DDX50: variants seen among roughly 807,000 people sequenced by gnomAD.
The protein encoded by DDX50 is DExD-box helicase 50, also known as ATP-dependent RNA helicase DDX50.
In DDX50, 56 loss-of-function variants were observed where a neutral mutation model predicts 94.8. That is an observed-to-expected ratio of 0.59 (90% CI 0.48 to 0.74). DDX50 has a LOEUF of 0.74. Among genes scored for constraint, DDX50 ranks in the 30% least tolerant of loss-of-function variants. The pLI is 0.00. For missense variants in DDX50, 713 were observed against 881.2 expected, an observed-to-expected ratio of 0.81 and a Z score of 2.42; for synonymous variants, 264 against 295.4, an observed-to-expected ratio of 0.89 and a Z score of 1.09.
At chr10:68,905,454 G>C (rs1841420044) in intron 1 of DDX50, among the ~76,000 whole-genome samples, 1 of 152,062 alleles carries the variant, frequency 6.6e-6, no homozygotes, top group African/African-American at 2.4e-5. Context: ...TTTAGCCTGT[G>C]AATTGTCAAA....
intron 3 of DDX50, among the ~76,000 whole-genome samples, chr10:68,910,844 C>T (rs1448423570): frequency 6.6e-6 from 1 of 152,180 alleles, no homozygotes; most frequent in African/African-American, 2.4e-5. Context: ...TTTACATCAT[C>T]CTTTTCAATA....
At chr10:68,909,411 A>G (rs1218144915) in intron 2 of DDX50, among the ~76,000 whole-genome samples, 1 of 152,218 alleles carries the variant, frequency 6.6e-6, no homozygotes, top group Non-Finnish European at 1.5e-5. Flanking sequence ...GCTTACGGTA[A>G]CTTTCTCTTG....
chr10:68,905,617 A>G (rs1841423746), intron 1 of DDX50, among the ~76,000 whole-genome samples: 2 of 152,174 alleles, frequency 1.3e-5, no homozygotes, highest in African/African-American at 4.8e-5. Flanking sequence ...CTTGTCTATA[A>G]AATGGCAAAG....
chr10:68,901,476 G>T lies in DDX50; in HGVS notation c.87+5G>T. 6.4e-7 allele frequency: 1 copy of T among 1,562,700 alleles called. No individual in the cohort carries two copies. ...CAGAAGAAGGAGAGGCAAAAGGTGC[G>T]CTGAGCATGGGCCGCGCCTCCTTTT... On this transcript the variant is annotated splice_donor_5th_base_variant and intron_variant, in intron 1 of 14. Transcript: ENST00000373585.
intron 14 of DDX50, among the ~76,000 whole-genome samples, chr10:68,944,347 T>C (rs1842616910): frequency 6.6e-6 from 1 of 152,170 alleles, no homozygotes; most frequent in African/African-American, 2.4e-5. Flanking sequence ...AGTATCTTTA[T>C]CTGTTGAAGA....
intron 8 of DDX50, among the ~76,000 whole-genome samples, chr10:68,930,140 G>A (rs1381037036): frequency 1.5e-5 from 1 of 65,034 alleles, no homozygotes; most frequent in Non-Finnish European, 2.8e-5. Context: ...TTTTTTTGAT[G>A]GAGTTTCGCT....
chr10:68,933,200 C>T (rs947381813), intron 8 of DDX50, among the ~76,000 whole-genome samples: 2 of 152,058 alleles, frequency 1.3e-5, no homozygotes, highest in African/African-American at 4.8e-5. Flanking sequence ...TCCCAAGTAG[C>T]TGGAATTACA....
At chr10:68,907,544 G>A (rs1309019735) in intron 2 of DDX50, among the ~76,000 whole-genome samples, 1 of 151,878 alleles carries the variant, frequency 6.6e-6, no homozygotes, top group African/African-American at 2.4e-5. Context: ...TTGAACTCCT[G>A]ACCTCAAAGT....
chr10:68,940,024 G>A (rs893833117), intron 12 of DDX50, among the ~76,000 whole-genome samples: 1 of 152,090 alleles, frequency 6.6e-6, no homozygotes, highest in Non-Finnish European at 1.5e-5. Context: ...TCTTCTTAAT[G>A]TTGATTCTTT....
chr10:68,903,549 C>T lies in DDX50; in HGVS notation c.87+2078C>T, dbSNP rs188046353. Among the ~76,000 whole-genome samples the T allele has an allele frequency of 7.2e-5, 11 of 151,770 alleles. No individual in the cohort carries two copies. In the East Asian group the frequency reaches 2.1e-3, roughly 29 times the overall value. On this transcript the variant is annotated intron_variant, in intron 1 of 14. Transcript: ENST00000373585. ...GGTGCGGTGGCTCACGTCTGTAATGCCGGCATTTTTGGAGGCTGAGGCAGG... is the reference window on the plus strand; with the variant it reads ...GGTGCGGTGGCTCACGTCTGTAATGTCGGCATTTTTGGAGGCTGAGGCAGG...
chr10:68,933,583 T>C (rs1333068328), intron 8 of DDX50, among the ~76,000 whole-genome samples: 2 of 152,038 alleles, frequency 1.3e-5, no homozygotes, highest in Non-Finnish European at 2.9e-5. Context: ...ATCCACGTTA[T>C]AAATAAATAC....
chr10:68,908,486 G>A (rs977806506), intron 2 of DDX50, among the ~76,000 whole-genome samples: 417 of 148,548 alleles, frequency 2.8e-3, no homozygotes, highest in African/African-American at 9.7e-3. Flanking sequence ...ATTATAAAAT[G>A]GTATATACAG....
Position 68,911,133 on chromosome 10 carries a change from G to T in DDX50, c.526G>T (p.Asp176Tyr), listed in dbSNP as rs1480087565. Reference protein sequence around the residue: ...KTFGPVYEGKDLIAQARTGTG... With the variant: ...KTFGPVYEGKYLIAQARTGTG... Reference sequence around the variant, plus strand: ...CTTTGGTCCTGTATATGAAGGAAAAGATTTAATAGCTCAAGCACGGACAGG... The same window carrying T: ...CTTTGGTCCTGTATATGAAGGAAAATATTTAATAGCTCAAGCACGGACAGG... The change falls in exon 4 of 15, where the codon GAT becomes TAT. Residue 176 changes from aspartate to tyrosine, a missense_variant. By Grantham distance (160) the Asp-to-Tyr change is radical. Around this residue, in one of 2 missense-constraint regions of DDX50, gnomAD observed 285 missense variants for 278.9 expected, o/e 1.02. Transcript: ENST00000373585. The T allele has an allele frequency of 2.5e-6, 4 of 1,611,832 alleles. No homozygotes were observed. Among genetic ancestry groups the T allele is most frequent in the Non-Finnish European group, 3.4e-6 (4 of 1,179,084 alleles).
At chr10:68,912,572 G>A (rs755202966) in intron 4 of DDX50, among the ~76,000 whole-genome samples, 6 of 152,112 alleles carry the variant, frequency 3.9e-5, no homozygotes, top group African/African-American at 4.8e-5. Flanking sequence ...TTCCAGCTCC[G>A]CCATTTCTAG....
At chr10:68,930,396 G>A (rs1414476916) in intron 8 of DDX50, among the ~76,000 whole-genome samples, 1 of 152,144 alleles carries the variant, frequency 6.6e-6, no homozygotes, top group Non-Finnish European at 1.5e-5. Context: ...GGGATTATAG[G>A]CGTGAGCCAC....
intron 8 of DDX50, among the ~76,000 whole-genome samples, chr10:68,925,191 C>T (rs1316139241): frequency 6.7e-6 from 1 of 149,306 alleles, no homozygotes. Context: ...ACAACCTCTG[C>T]CTCCCGGGTT....
intron 12 of DDX50, among the ~76,000 whole-genome samples, chr10:68,940,504 C>T (rs1478896914): frequency 6.6e-6 from 1 of 152,016 alleles, no homozygotes; most frequent in Non-Finnish European, 1.5e-5. Context: ...ACTGCAACCT[C>T]TGCCTCCTGG....
intron 1 of DDX50, among the ~76,000 whole-genome samples, chr10:68,905,867 T>C (rs1465161887): frequency 6.6e-6 from 1 of 152,164 alleles, no homozygotes; most frequent in Non-Finnish European, 1.5e-5. Flanking sequence ...GAGCCAAGAT[T>C]GCGCCACTGC....
intron 1 of DDX50, among the ~76,000 whole-genome samples, chr10:68,904,202 T>G (rs1841376793): frequency 6.6e-6 from 1 of 151,056 alleles, no homozygotes; most frequent in Non-Finnish European, 1.5e-5. Context: ...ACTTAGCTAC[T>G]CAGGAGACTG....
Sources: allele counts gnomAD v4.1 joint callset (sites outside exome capture counted in the v4.1 genomes callset), GRCh38; gene constraint gnomAD v4.1.1; regional missense constraint gnomAD v4.1.1; transcripts MANE v1.5; gene names NCBI Gene and HGNC (gene_info 2026-07-23, HGNC 2026-07-21).